The following DGKG variants were observed in gnomAD, a reference collection of about 807,000 sequenced individuals.
DGKG encodes the protein DAG kinase gamma.
Under a neutral mutation model 105.3 loss-of-function variants are expected in DGKG, and 78 were observed. That is an observed-to-expected ratio of 0.74 (90% CI 0.62 to 0.89). DGKG has a LOEUF of 0.89. Ranked by LOEUF, DGKG falls within the 40% of genes least tolerant of loss-of-function variation. The pLI is 0.00. For missense variants in DGKG, 958 were observed against 1,020.1 expected, an observed-to-expected ratio of 0.94 and a Z score of 0.83; for synonymous variants, 346 against 367.1, an observed-to-expected ratio of 0.94 and a Z score of 0.66.
chr3:186,193,046 A>C (rs914703464), intron 21 of DGKG, among the ~76,000 whole-genome samples: 1 of 151,862 alleles, frequency 6.6e-6, no homozygotes, highest in Non-Finnish European at 1.5e-5. Flanking sequence ...GGCAATCCTC[A>C]CTCTGCTTTC....
chr3:186,318,941 G>A (rs1337067123), intron 2 of DGKG, among the ~76,000 whole-genome samples: 1 of 152,148 alleles, frequency 6.6e-6, no homozygotes, highest in African/African-American at 2.4e-5. Flanking sequence ...CTGTTTGCCT[G>A]CTGCCTTAAA....
At chr3:186,160,142 A>G in intron 24 of DGKG, 1 of 969,126 alleles carries the variant, frequency 1.0e-6, no homozygotes. Flanking sequence ...GCCTCACACT[A>G]TGAAATCATT....
chr3:186,160,650 T>C, intron 24 of DGKG: 1 of 985,458 alleles, frequency 1.0e-6, no homozygotes, highest in Non-Finnish European at 1.2e-6. Context: ...GTGATCAAAG[T>C]ATCTGAATAC....
At chr3:186,304,253 G>A (rs1203400113) in intron 3 of DGKG, among the ~76,000 whole-genome samples, 2 of 152,234 alleles carry the variant, frequency 1.3e-5, no homozygotes, top group Admixed American at 6.5e-5. Context: ...GCTGGGGGTG[G>A]GGGGTGTGGG....
At chr3:186,174,293 T>C (rs1265024149) in intron 22 of DGKG, among the ~76,000 whole-genome samples, 4 of 152,150 alleles carry the variant, frequency 2.6e-5, no homozygotes, top group African/African-American at 7.2e-5. Flanking sequence ...CTTACTGCGA[T>C]TTTATGTTTC....
chr3:186,223,224 A>G (rs904519302), intron 20 of DGKG, among the ~76,000 whole-genome samples: 1 of 151,272 alleles, frequency 6.6e-6, no homozygotes, highest in African/African-American at 2.4e-5. Context: ...CCTCTACCCT[A>G]CATCCCCGGC....
At chr3:186,227,382 AAGTG>A (rs1224525595) in intron 20 of DGKG, among the ~76,000 whole-genome samples, 2 of 152,210 alleles carry the variant, frequency 1.3e-5, no homozygotes, top group African/African-American at 2.4e-5. Flanking sequence ...GGAATCAGAG[AAGTG>A]AGTAACTTTC....
At chr3:186,208,368 T>C (rs920624495) in intron 21 of DGKG, among the ~76,000 whole-genome samples, 3 of 151,308 alleles carry the variant, frequency 2.0e-5, no homozygotes, top group Admixed American at 2.0e-4. Flanking sequence ...ATGGAAACCT[T>C]CCCTGCAGTC....
chr3:186,251,951 A>G, intron 18 of DGKG, 32 bp from the exon 19 acceptor site: 3 of 1,521,048 alleles, frequency 2.0e-6, no homozygotes, highest in Non-Finnish European at 2.6e-6. Context: ...TTGCCACCAC[A>G]GCAGAAAGGC....
chr3:186,295,363 G>A (rs1447552352), intron 5 of DGKG, among the ~76,000 whole-genome samples: 9 of 151,996 alleles, frequency 5.9e-5, no homozygotes, highest in African/African-American at 1.9e-4. Flanking sequence ...TTAGCCGGGT[G>A]TGGTGGCACG....
At chr3:186,204,370 C>T (rs1309477577) in intron 21 of DGKG, among the ~76,000 whole-genome samples, 6 of 152,108 alleles carry the variant, frequency 3.9e-5, no homozygotes, top group Non-Finnish European at 1.5e-5. Context: ...CGCGCCACTG[C>T]ACTCCATCCT....
intron 24 of DGKG, among the ~76,000 whole-genome samples, chr3:186,157,960 C>T (rs1716117893): frequency 6.6e-6 from 1 of 152,178 alleles, no homozygotes; most frequent in Non-Finnish European, 1.5e-5. Context: ...GCCTCAGCCT[C>T]CCAAAGTGCT....
intron 2 of DGKG, among the ~76,000 whole-genome samples, chr3:186,320,084 G>A (rs967085670): frequency 1.3e-4 from 20 of 152,154 alleles, no homozygotes; most frequent in African/African-American, 4.8e-4. Context: ...TGAGCTCAAC[G>A]GTGTAAAGCA....
At chr3:186,192,412 A>G (rs1717951212) in intron 21 of DGKG, among the ~76,000 whole-genome samples, 1 of 152,212 alleles carries the variant, frequency 6.6e-6, no homozygotes, top group South Asian at 2.1e-4. Context: ...GTTGGTCAAA[A>G]CATCCCTTTC....
chr3:186,211,757 C>A (rs201258836), intron 21 of DGKG, 38 bp downstream of exon 21: 3 of 1,492,330 alleles, frequency 2.0e-6, no homozygotes, highest in Admixed American at 1.7e-5. Context: ...GGAGCAGAAC[C>A]AAGATCCAGG....
intron 5 of DGKG, among the ~76,000 whole-genome samples, chr3:186,296,274 G>C (rs1216632497): frequency 6.6e-6 from 1 of 152,152 alleles, no homozygotes; most frequent in Non-Finnish European, 1.5e-5. Context: ...CTCACTTAGG[G>C]ACACTGAGGC....
chr3:186,258,462 T>C (rs1407731187), intron 16 of DGKG, among the ~76,000 whole-genome samples: 1 of 152,098 alleles, frequency 6.6e-6, no homozygotes, highest in Non-Finnish European at 1.5e-5. Flanking sequence ...AAGGGTTCTA[T>C]GGATTGGATT....
intron 7 of DGKG, chr3:186,281,376 A>G (rs1722821563): frequency 6.6e-6 from 1 of 152,290 alleles, no homozygotes; most frequent in South Asian, 2.1e-4. Context: ...GGCTCCATCT[A>G]AAACCTCACA....
chr3:186,316,769 C>T (rs1194017984), intron 2 of DGKG, among the ~76,000 whole-genome samples: 2 of 152,182 alleles, frequency 1.3e-5, no homozygotes, highest in African/African-American at 4.8e-5. Flanking sequence ...CTGGTAACCC[C>T]ACTGGAGAAA....
Sources: allele counts gnomAD v4.1 joint callset (sites outside exome capture counted in the v4.1 genomes callset), GRCh38; gene constraint gnomAD v4.1.1; transcripts MANE v1.5; gene names NCBI Gene and HGNC (gene_info 2026-07-23, HGNC 2026-07-21).